The following APBB2 variants were observed in gnomAD, a reference collection of about 807,000 sequenced individuals.
APBB2 encodes Fe65-like 1.
APBB2 carries 38 observed loss-of-function variants against 82.5 expected under a neutral mutation model. The ratio of observed to expected loss-of-function variants is 0.46; its 90% CI spans 0.36 to 0.60. The LOEUF is 0.60. Ranked by LOEUF, APBB2 falls within the 20% of genes least tolerant of loss-of-function variation. The pLI is 0.00. For missense variants in APBB2, 772 were observed against 972.3 expected (o/e 0.79, Z 2.74); for synonymous variants, 341 against 368.2 (o/e 0.93, Z 0.85).
intron 4 of APBB2, among the ~76,000 whole-genome samples, chr4:41,054,166 T>C (rs1727031187): frequency 6.6e-6 from 1 of 152,214 alleles, no homozygotes; most frequent in African/African-American, 2.4e-5. Flanking sequence ...TGAAGGCTGC[T>C]GTACATCCAG....
chr4:40,849,241 T>C (rs1173313817), intron 12 of APBB2, among the ~76,000 whole-genome samples: 2 of 152,204 alleles, frequency 1.3e-5, no homozygotes, highest in African/African-American at 2.4e-5. Context: ...ATAAAACATA[T>C]ATTTCATCTG....
rs187271969 is a variant in APBB2 at position 40,844,427 on chromosome 4, C to A, written c.1530-13850G>T. On this transcript the variant is annotated intron_variant, in intron 12 of 17. Coordinates refer to ENST00000508593, the MANE Select transcript of APBB2 (RefSeq NM_004307.2). ...GTAACAAAGCTGCAATAACCTGCAACGTTAACAGCTATTATCACTGTGTCA... is the reference window on the plus strand; with the variant it reads ...GTAACAAAGCTGCAATAACCTGCAAAGTTAACAGCTATTATCACTGTGTCA... Among the ~76,000 whole-genome samples, 408 of 152,304 alleles carry A rather than the reference C, an allele frequency of 2.7e-3. 2 individuals are homozygous for A. Among genetic ancestry groups the A allele is most frequent in the African/African-American group, 9.3e-3 (386 of 41,584 alleles).
intron 6 of APBB2, among the ~76,000 whole-genome samples, chr4:40,976,653 G>A (rs1797238792): frequency 6.6e-6 from 1 of 152,142 alleles, no homozygotes; most frequent in Admixed American, 6.5e-5. Context: ...TCCTATGTGA[G>A]GGTCATCAAT....
chr4:41,101,413 G>A (rs573013981), intron 2 of APBB2, among the ~76,000 whole-genome samples: 4 of 138,024 alleles, frequency 2.9e-5, no homozygotes, highest in South Asian at 2.5e-4. Flanking sequence ...GCAGTGAGCC[G>A]AGATTGCGCC....
At chr4:41,003,006 C>T (rs1276791398) in intron 6 of APBB2, among the ~76,000 whole-genome samples, 3 of 152,148 alleles carry the variant, frequency 2.0e-5, no homozygotes, top group Non-Finnish European at 2.9e-5. Context: ...AAGCTTTGAT[C>T]AAAGGAATAA....
Position 40,826,966 on chromosome 4 carries a change from C to T in APBB2, c.1732+166G>A. 1 of 612,812 alleles carries T rather than the reference C, an allele frequency of 1.6e-6. No individual in the cohort carries two copies. 38.0% of individuals were successfully genotyped at this position (612,812 alleles called of 1,614,324 possible). A position where few individuals can be genotyped will look rare whatever the true frequency, so the allele number is the denominator to read the frequency against. Reference sequence around the variant, plus strand: ...ATGCCTAACCCTAGTGATGCAAAATCAACTCTGTGCCTCTGTGAGACCCAG... The same window carrying T: ...ATGCCTAACCCTAGTGATGCAAAATTAACTCTGTGCCTCTGTGAGACCCAG... On this transcript the variant is annotated intron_variant, in intron 14 of 17. Transcript: ENST00000508593. The surrounding 1 kb of genome is among the most constrained non-coding windows in gnomAD (Gnocchi z 4.5).
chr4:40,946,446 G>A (rs1303031254), intron 6 of APBB2, among the ~76,000 whole-genome samples: 3 of 134,240 alleles, frequency 2.2e-5, no homozygotes, highest in African/African-American at 5.1e-5. Context: ...TAAACACTGC[G>A]ATGGCCAAAT....
chr4:40,930,320 CACATATAT>C (rs1783751912), intron 10 of APBB2, among the ~76,000 whole-genome samples: 1 of 152,112 alleles, frequency 6.6e-6, no homozygotes, highest in East Asian at 1.9e-4. Context: ...TATACAAACA[CACATATAT>C]GGCTATCAAG....
At chr4:41,153,181 T>C (rs1464042843) in intron 1 of APBB2, among the ~76,000 whole-genome samples, 2 of 152,222 alleles carry the variant, frequency 1.3e-5, no homozygotes, top group Non-Finnish European at 1.5e-5. Context: ...TGCTTACACA[T>C]AAAGCTTGGG....
intron 12 of APBB2, among the ~76,000 whole-genome samples, chr4:40,831,793 C>T (rs947329364): frequency 1.3e-5 from 2 of 152,070 alleles, no homozygotes; most frequent in South Asian, 2.1e-4. Context: ...ACGGCAGCGG[C>T]GGCACATCAT....
At chr4:40,963,693 A>T (rs746467624) in intron 6 of APBB2, among the ~76,000 whole-genome samples, 13 of 152,276 alleles carry the variant, frequency 8.5e-5, no homozygotes, top group Non-Finnish European at 1.2e-4. Context: ...ATGCTATATC[A>T]AAGTCTTCCT....
chr4:40,964,820 T>C (rs1794230485), intron 6 of APBB2, among the ~76,000 whole-genome samples: 1 of 145,594 alleles, frequency 6.9e-6, no homozygotes, highest in South Asian at 2.3e-4. Context: ...AAGTTACCCA[T>C]TAAACACATT....
intron 1 of APBB2, among the ~76,000 whole-genome samples, chr4:41,161,768 TA>T (rs1479548534): frequency 6.6e-6 from 1 of 152,228 alleles, no homozygotes; most frequent in Non-Finnish European, 1.5e-5. Context: ...AAGCTAGAGC[TA>T]GAATGTTGAG....
At chr4:41,144,925 G>A (rs1382999960) in intron 1 of APBB2, among the ~76,000 whole-genome samples, 1 of 152,184 alleles carries the variant, frequency 6.6e-6, no homozygotes, top group Non-Finnish European at 1.5e-5. Flanking sequence ...TTCAAGACCA[G>A]CCTGGGCAAC....
At chr4:41,205,656 T>C (rs1022009934) in intron 1 of APBB2, among the ~76,000 whole-genome samples, 11 of 152,226 alleles carry the variant, frequency 7.2e-5, no homozygotes, top group Non-Finnish European at 1.5e-4. Context: ...CTGCCCTGGA[T>C]ACTCTAAACT....
At chr4:41,136,746 T>C (rs1251863982) in intron 2 of APBB2, among the ~76,000 whole-genome samples, 2 of 152,218 alleles carry the variant, frequency 1.3e-5, no homozygotes, top group South Asian at 2.1e-4. Flanking sequence ...AGCTCAGCTA[T>C]GTGCCAGAGA....
chr4:41,046,079 A>G (rs1228976192), intron 4 of APBB2, among the ~76,000 whole-genome samples: 2 of 152,226 alleles, frequency 1.3e-5, no homozygotes, highest in Non-Finnish European at 1.5e-5. Context: ...TCTTTAAAAA[A>G]ACAATAAAGA....
intron 10 of APBB2, among the ~76,000 whole-genome samples, chr4:40,918,887 A>T (rs1320772344): frequency 6.6e-6 from 1 of 151,936 alleles, no homozygotes. Flanking sequence ...CTGGGATTAC[A>T]GGCATAAGCC....
At chr4:40,960,470 C>T (rs12639831) in intron 6 of APBB2, among the ~76,000 whole-genome samples, 10,748 of 100,104 alleles carry the variant, frequency 0.11, 537 homozygotes, top group Middle Eastern at 0.26. Flanking sequence ...TTTTTTGAGA[C>T]GGGGTCTCGC....
Sources: allele counts gnomAD v4.1 joint callset (sites outside exome capture counted in the v4.1 genomes callset), GRCh38; gene constraint gnomAD v4.1.1; non-coding constraint Gnocchi (gnomAD v3.1); transcripts MANE v1.5; gene names NCBI Gene and HGNC (gene_info 2026-07-23, HGNC 2026-07-21).